The following HPSE2 variants were observed in gnomAD, a reference collection of about 807,000 sequenced individuals.
The protein encoded by HPSE2 is inactive heparanase-2.
Under a neutral mutation model 60.5 loss-of-function variants are expected in HPSE2, and 38 were observed. That is an observed-to-expected ratio of 0.63 (90% CI 0.48 to 0.82). The LOEUF is 0.82. Among genes scored for constraint, HPSE2 ranks in the 40% least tolerant of loss-of-function variants. The pLI is 0.00. For synonymous variants in HPSE2, 295 were observed against 293.2 expected, an observed-to-expected ratio of 1.01 and a Z score of -0.06; for missense variants, 713 against 740.4, an observed-to-expected ratio of 0.96 and a Z score of 0.43.
intron 9 of HPSE2, among the ~76,000 whole-genome samples, chr10:98,529,121 A>G (rs1381115669): frequency 6.6e-6 from 1 of 152,262 alleles, no homozygotes; most frequent in Non-Finnish European, 1.5e-5. Flanking sequence ...ACACACACTC[A>G]GTGATAGCCT....
chr10:98,740,542 T>C (rs1949472621), intron 4 of HPSE2, among the ~76,000 whole-genome samples: 1 of 152,186 alleles, frequency 6.6e-6, no homozygotes, highest in African/African-American at 2.4e-5. Flanking sequence ...ATATTGGGTA[T>C]ATCTTGCTTT....
chr10:98,472,115 C>G (rs567544353), intron 11 of HPSE2, among the ~76,000 whole-genome samples: 1 of 152,036 alleles, frequency 6.6e-6, no homozygotes, highest in Non-Finnish European at 1.5e-5. Flanking sequence ...TTGTGAGGCT[C>G]ATTTCTCTAC....
Position 99,203,309 on chromosome 10 carries a change from G to A in HPSE2, c.448+29039C>T, listed in dbSNP as rs377746929. 3.9e-5 allele frequency among the ~76,000 whole-genome samples: 6 copies of A among 151,946 alleles called. No homozygotes were observed. In the East Asian group the frequency reaches 5.8e-4, roughly 15 times the overall value. ...GATGGCTCCCTGCAGCCCTAGTCAC[G>A]AGCCAGCACCCTCAAACCCAGTCTG... On this transcript the variant is annotated intron_variant, in intron 2 of 11. Coordinates refer to ENST00000370552, the MANE Select transcript of HPSE2 (RefSeq NM_021828.5).
At chr10:98,502,406 G>A (rs889674511) in intron 9 of HPSE2, among the ~76,000 whole-genome samples, 2 of 152,130 alleles carry the variant, frequency 1.3e-5, no homozygotes, top group Non-Finnish European at 2.9e-5. Context: ...CATACTTACA[G>A]CCAACTGATC....
At chr10:99,082,819 A>G (rs1843192771) in intron 3 of HPSE2, among the ~76,000 whole-genome samples, 1 of 152,152 alleles carries the variant, frequency 6.6e-6, no homozygotes, top group Non-Finnish European at 1.5e-5. Context: ...ATTTACCCAG[A>G]CCCTAAGTTA....
chr10:98,717,984 G>T (rs1948833893), intron 5 of HPSE2, among the ~76,000 whole-genome samples: 1 of 151,878 alleles, frequency 6.6e-6, no homozygotes, highest in Non-Finnish European at 1.5e-5. Context: ...TTTTGACTAG[G>T]ATTTCTATTT....
chr10:98,464,250 T>C (rs1940431824), intron 11 of HPSE2, among the ~76,000 whole-genome samples: 1 of 152,246 alleles, frequency 6.6e-6, no homozygotes, highest in African/African-American at 2.4e-5. Context: ...GGAGGTATCA[T>C]GTACTTTTTA....
At chr10:98,651,189 AAAAAG>A (rs1397783692) in intron 6 of HPSE2, among the ~76,000 whole-genome samples, 2 of 152,190 alleles carry the variant, frequency 1.3e-5, no homozygotes, top group African/African-American at 4.8e-5. Context: ...TTCTCTGTTT[AAAAAG>A]AAAAGTTAGC....
intron 3 of HPSE2, among the ~76,000 whole-genome samples, chr10:99,115,943 T>C (rs1844672697): frequency 6.6e-6 from 1 of 152,212 alleles, no homozygotes. Context: ...ATTGTGTTGA[T>C]AACAGCATTA....
intron 3 of HPSE2, among the ~76,000 whole-genome samples, chr10:98,831,734 C>A (rs985181449): frequency 1.3e-5 from 2 of 152,194 alleles, no homozygotes; most frequent in Non-Finnish European, 1.5e-5. Flanking sequence ...GCCAGGAGAT[C>A]TGGGTAGACC....
At chr10:99,312,695 G>C in the HPSE2 span, among the ~76,000 whole-genome samples, 1 of 152,218 alleles carries the variant, frequency 6.6e-6, no homozygotes, top group African/African-American at 2.4e-5. Context: ...CCATTCTGTA[G>C]CCTATGGATG....
At chr10:98,497,020 A>G (rs1456449973) in intron 9 of HPSE2, among the ~76,000 whole-genome samples, 1 of 151,982 alleles carries the variant, frequency 6.6e-6, no homozygotes, top group Non-Finnish European at 1.5e-5. Flanking sequence ...TCTTTTTTAT[A>G]TTATTTAAAG....
At chr10:99,273,364 A>G in the HPSE2 span, among the ~76,000 whole-genome samples, 7 of 152,186 alleles carry the variant, frequency 4.6e-5, no homozygotes, top group Non-Finnish European at 1.0e-4. Context: ...ATCACCACTA[A>G]AGAACTTATT....
At chr10:99,207,277 C>T (rs183638434) in intron 2 of HPSE2, among the ~76,000 whole-genome samples, 32 of 152,168 alleles carry the variant, frequency 2.1e-4, no homozygotes, top group African/African-American at 6.5e-4. Flanking sequence ...GAAAAAAATA[C>T]CCAATCATAG....
Position 98,510,593 on chromosome 10 carries a change from A to G in HPSE2, c.1321-20397T>C, listed in dbSNP as rs115032388. 3.8e-3 allele frequency among the ~76,000 whole-genome samples: 577 copies of G among 152,288 alleles called. 4 individuals carry two copies. The highest frequency in any genetic ancestry group is 0.013 in the African/African-American group (546 of 41,550). ...AGGCCCATGAGACTTTTGATGATAC[A>G]CTACAGAGCCAGGGGTGAGAAGGGG... is the stretch of plus-strand genomic sequence containing the variant. On this transcript the variant is annotated intron_variant, in intron 9 of 11. Transcript: ENST00000370552.
chr10:98,544,993 A>G (rs1428469389), intron 9 of HPSE2, among the ~76,000 whole-genome samples: 1 of 152,046 alleles, frequency 6.6e-6, no homozygotes, highest in Admixed American at 6.6e-5. Context: ...CCCCACAGAA[A>G]TACAAACTAC....
intron 11 of HPSE2, among the ~76,000 whole-genome samples, chr10:98,465,999 A>G (rs1402133569): frequency 6.6e-6 from 1 of 152,182 alleles, no homozygotes; most frequent in Non-Finnish European, 1.5e-5. Context: ...CCAGGTCTCC[A>G]TGGGAGCCCC....
chr10:99,154,203 C>G (rs1390553639), intron 2 of HPSE2, among the ~76,000 whole-genome samples: 2 of 140,752 alleles, frequency 1.4e-5, no homozygotes, highest in African/African-American at 2.6e-5. Context: ...GGAGAACTTC[C>G]CCAATCTAGC....
At chr10:98,983,753 G>C (rs918954545) in intron 3 of HPSE2, among the ~76,000 whole-genome samples, 7 of 152,222 alleles carry the variant, frequency 4.6e-5, no homozygotes, top group Admixed American at 6.5e-5. Context: ...CCAAGGAAAG[G>C]GGTGACAGAC....
Sources: gnomAD v4.1 joint callset for allele counts (sites outside exome capture counted in the v4.1 genomes callset) on GRCh38, gnomAD v4.1.1 for gene constraint, MANE v1.5 for transcripts, NCBI Gene and HGNC (gene_info 2026-07-23, HGNC 2026-07-21) for gene names.